The following BDNF variants were observed in gnomAD, a reference collection of about 807,000 sequenced individuals.
The protein encoded by BDNF is neurotrophic factor BDNF precursor form.
BDNF carries 1 observed loss-of-function variant against 19.5 expected under a neutral mutation model. The observed-to-expected ratio is 0.05, with a 90% CI of 0.02 to 0.24. The LOEUF (loss-of-function observed/expected upper bound fraction) is 0.24, where lower values mean the gene tolerates loss of function less well. BDNF is among the 10% of genes least tolerant of loss of function. The probability of loss-of-function intolerance (pLI) is 1.00; values close to 1 mark genes in which losing one functional copy is unlikely to be tolerated. For missense variants in BDNF, 195 were observed against 317.6 expected, an observed-to-expected ratio of 0.61 and a Z score of 2.93; for synonymous variants, 100 against 121.6, an observed-to-expected ratio of 0.82 and a Z score of 1.17.
At position 27,700,440 on chromosome 11, in the gene BDNF, C is replaced by G. The variant is rs1261899639; in HGVS notation, c.-298G>C. Reference sequence around the variant, plus strand: ...CGCGGCGGCGGCAGCGTCGGGGACCCGGAGCTCCAGGCTGCGCCTTGCGCC... The same window carrying G: ...CGCGGCGGCGGCAGCGTCGGGGACCGGGAGCTCCAGGCTGCGCCTTGCGCC... On this transcript the variant is annotated 5_prime_UTR_variant, in exon 1 of 2. Coordinates refer to ENST00000356660, the MANE Select transcript of BDNF (RefSeq NM_001709.5). 2.0e-6 allele frequency: 2 copies of G among 984,840 alleles called. No homozygotes were observed. The highest frequency in any genetic ancestry group is 6.2e-5 in the Admixed American group (1 of 16,194). 61.0% of individuals were successfully genotyped at this position (984,840 alleles called of 1,614,324 possible).
rs1300687944 is a variant in BDNF, at chr11:27,687,930, A to T, written c.-22+12234T>A. Reference sequence around the variant, plus strand: ...GCAGTCTGTCCCTTAGCAGAGCTCAAGTGCTGTGCTGGGAGATCCACTGCT... The same window carrying T: ...GCAGTCTGTCCCTTAGCAGAGCTCATGTGCTGTGCTGGGAGATCCACTGCT... On this transcript the variant is annotated intron_variant, in intron 1 of 1. Transcript: ENST00000356660. 5.9e-5 allele frequency among the ~76,000 whole-genome samples: 9 copies of T among 152,212 alleles called. No individual in the cohort carries two copies. In the East Asian group the frequency reaches 1.7e-3, roughly 29 times the overall value.
At position 27,700,215 on chromosome 11, in the gene BDNF, G is replaced by A; in HGVS notation, c.-73C>T. The stretch of plus-strand genomic sequence containing the variant: ...TCCCCGGCGGCGGAGTCACATCGTG[G>A]TTCCGATTCTGGCTCCAGCGCCCAG... On this transcript the variant is annotated 5_prime_UTR_variant, in exon 1 of 2. Transcript: ENST00000356660. 1.0e-6 allele frequency: 1 copy of A among 985,790 alleles called. No homozygotes were observed. 61.1% of individuals were successfully genotyped at this position (985,790 alleles called of 1,614,324 possible).
At chr11:27,720,538 A>G (rs571120813) in intron 1 of BDNF, 1,233 of 985,652 alleles carry the variant, frequency 1.3e-3, no homozygotes, top group Non-Finnish European at 1.4e-3. Flanking sequence ...CCGCTCCAAA[A>G]TCTGACTCTC....
chr11:27,710,193 A>T (rs1411440496), intron 1 of BDNF, among the ~76,000 whole-genome samples: 1 of 152,212 alleles, frequency 6.6e-6, no homozygotes, highest in Non-Finnish European at 1.5e-5. Flanking sequence ...GTCTCTTCAT[A>T]GACTTCCGCA....
At chr11:27,715,317 A>G (rs746194837) in intron 1 of BDNF, among the ~76,000 whole-genome samples, 1 of 152,186 alleles carries the variant, frequency 6.6e-6, no homozygotes, top group Non-Finnish European at 1.5e-5. Context: ...GAATTCATGT[A>G]TCAGATATGA....
In BDNF at chr11:27,657,874, T is replaced by C. The variant is rs764951525; in HGVS notation, c.691A>G (p.Ile231Val). 17 of 1,614,108 alleles carry C rather than the reference T, an allele frequency of 1.1e-5. No homozygotes were observed. The Admixed American group carries it at 1.5e-4, about 14-fold the overall frequency. The change falls in exon 2 of 2, where the codon ATA (isoleucine) becomes GTA (valine). Residue 231 changes from isoleucine (I) to valine (V), a missense_variant. Physicochemically the swap from Ile to Val is conservative, Grantham distance 29. Around this residue, in one of 2 missense-constraint regions of BDNF, gnomAD observed 71 missense variants for 162.6 expected, o/e 0.44. Coordinates refer to ENST00000356660, the MANE Select transcript of BDNF (RefSeq NM_001709.5). The surrounding 1 kb of genome is among the most constrained non-coding windows in gnomAD (Gnocchi z 5.0). ...CATACACAAGAAGTGTCTATCCTTA[T>C]GAATCGCCAGCCAATTCTCTTTTTG... Reference protein sequence around the residue: ...DSKKRIGWRFIRIDTSCVCTL... With the variant: ...DSKKRIGWRFVRIDTSCVCTL...
At position 27,697,160 on chromosome 11, in the gene BDNF, C is replaced by CAGAGAGAGAGAG. The variant is rs1362364179; in HGVS notation, c.-22+3003_-22+3004insCTCTCTCTCTCT. On this transcript the variant is annotated intron_variant, in intron 1 of 1. Transcript: ENST00000356660. Reference sequence around the variant, plus strand: ...ACGTGCACGCACACACACACACACACACACAGAGAGAGAGAGAGAGAGAGA... The same window carrying CAGAGAGAGAGAG: ...ACGTGCACGCACACACACACACACACAGAGAGAGAGAGACACAGAGAGAGAGAGAGAGAGAGA... Among the ~76,000 whole-genome samples, 247 of 117,910 alleles carry CAGAGAGAGAGAG rather than the reference C, an allele frequency of 2.1e-3. 2 individuals are homozygous for CAGAGAGAGAGAG. The highest frequency in any genetic ancestry group is 3.6e-3 in the Non-Finnish European group (191 of 52,618). 77.4% of individuals were successfully genotyped at this position (117,910 alleles called of 152,430 possible).
intron 1 of BDNF, chr11:27,665,495 G>A (rs1184562220): frequency 6.6e-6 from 1 of 152,380 alleles, no homozygotes; most frequent in Non-Finnish European, 1.5e-5. Flanking sequence ...AGCACAAGGG[G>A]TTGGGGAATT....
chr11:27,712,459 C>T (rs1774590092), intron 1 of BDNF, among the ~76,000 whole-genome samples: 1 of 151,908 alleles, frequency 6.6e-6, no homozygotes, highest in African/African-American at 2.4e-5. Context: ...GTTTTTATAA[C>T]TGTACATCAA....
chr11:27,718,768 C>T (rs898907336), intron 1 of BDNF, among the ~76,000 whole-genome samples: 1 of 152,076 alleles, frequency 6.6e-6, no homozygotes, highest in African/African-American at 2.4e-5. Flanking sequence ...ACAATATCCT[C>T]GCTTCGCCTA....
rs914753727 is a variant in BDNF, at chr11:27,660,286, A to C, written c.-21-1701T>G. On this transcript the variant is annotated intron_variant, in intron 1 of 1. Transcript: ENST00000356660. ...TTATTACCATCCCTAAACACACAAA[A>C]AAATTTCTTTTAGATTTACTCTCAC... 3.3e-6 allele frequency: 4 copies of C among 1,217,920 alleles called. No individual in the cohort carries two copies. The African/African-American group carries it at 6.3e-5, about 19-fold the overall frequency. 75.4% of individuals were successfully genotyped at this position (1,217,920 alleles called of 1,614,324 possible). A position where few individuals can be genotyped will look rare whatever the true frequency, so the allele number is the denominator to read the frequency against.
intron 1 of BDNF, among the ~76,000 whole-genome samples, chr11:27,705,516 A>G (rs540683026): frequency 2.0e-5 from 3 of 152,346 alleles, no homozygotes; most frequent in Admixed American, 6.5e-5. Context: ...AACTTCCTAA[A>G]GTCTTATTTT....
chr11:27,659,681 T>A, intron 1 of BDNF: 1 of 998,102 alleles, frequency 1.0e-6, no homozygotes. Context: ...TCTGAGTTTA[T>A]CCTACTTTTA....
Position 27,674,653 on chromosome 11 carries a change from T to C in BDNF, c.-21-16068A>G, listed in dbSNP as rs1017244044. On this transcript the variant is annotated intron_variant, in intron 1 of 1. Coordinates refer to ENST00000356660, the MANE Select transcript of BDNF (RefSeq NM_001709.5). ...CATTTAAGCCATTAGAATGCACCTA[T>C]ATGGAAACATTCAATTTGGCGGTAC... 2.4e-5 allele frequency: 24 copies of C among 985,288 alleles called. No homozygotes were observed. The African/African-American group carries it at 4.0e-4, about 17-fold the overall frequency. The allele number at this position is 985,288 out of a possible 1,614,324, so 61.0% of individuals were successfully genotyped here. A position where few individuals can be genotyped will look rare whatever the true frequency, so the allele number is the denominator to read the frequency against.
intron 1 of BDNF, among the ~76,000 whole-genome samples, chr11:27,690,900 A>G (rs1858165767): frequency 1.5e-5 from 2 of 137,508 alleles, no homozygotes; most frequent in South Asian, 4.4e-4. Flanking sequence ...CTTGTATGTA[A>G]AAAAAAAAAA....
At chr11:27,712,502 T>A (rs563406781) in intron 1 of BDNF, among the ~76,000 whole-genome samples, 1 of 150,192 alleles carries the variant, frequency 6.7e-6, no homozygotes. Flanking sequence ...CTTATACATT[T>A]ATTTCATTCA....
chr11:27,713,903 C>T (rs911872446), intron 1 of BDNF, among the ~76,000 whole-genome samples: 3 of 152,214 alleles, frequency 2.0e-5, no homozygotes, highest in Admixed American at 2.0e-4. Context: ...TTGCATGTTA[C>T]TAAACTGCTG....
rs967181095 is a variant in BDNF, at chr11:27,655,959, A to C, written c.*1862T>G. 1 of 152,268 alleles carries C rather than the reference A, an allele frequency of 6.6e-6. No homozygotes were observed. The highest frequency in any genetic ancestry group is 1.5e-5 in the Non-Finnish European group (1 of 68,136). The allele number at this position is 152,268 out of a possible 1,614,324, so 9.4% of individuals were successfully genotyped here. Reference sequence around the variant, plus strand: ...CTCCATGAACAGACAGGATGGGCAGAAGGTTGCTGTGGCCTTCACTGGGGA... The same window carrying C: ...CTCCATGAACAGACAGGATGGGCAGCAGGTTGCTGTGGCCTTCACTGGGGA... On this transcript the variant is annotated 3_prime_UTR_variant, in exon 2 of 2. Transcript: ENST00000356660.
At chr11:27,720,501 C>A (rs752514704) in intron 1 of BDNF, 76 of 985,736 alleles carry the variant, frequency 7.7e-5, no homozygotes, top group East Asian at 3.4e-4. Flanking sequence ...ATGAGGGGAC[C>A]AAACTGGGGC....
Sources: allele counts gnomAD v4.1 joint callset (sites outside exome capture counted in the v4.1 genomes callset), GRCh38; gene constraint gnomAD v4.1.1; regional missense constraint gnomAD v4.1.1; non-coding constraint Gnocchi (gnomAD v3.1); transcripts MANE v1.5; gene names NCBI Gene and HGNC (gene_info 2026-07-23, HGNC 2026-07-21).